Variants in HS3ST5 observed in about 807,000 individuals in gnomAD.
HS3ST5 encodes heparan sulfate glucosamine 3-O-sulfotransferase 5.
HS3ST5 carries 10 observed loss-of-function variants against 25.4 expected under a neutral mutation model. That is an observed-to-expected ratio of 0.39 (90% CI 0.24 to 0.67). The LOEUF (loss-of-function observed/expected upper bound fraction) is 0.67. HS3ST5 is among the 30% of genes least tolerant of loss of function. HS3ST5 has a pLI of 0.44. For missense variants in HS3ST5, 324 were observed against 420.7 expected, an observed-to-expected ratio of 0.77 and a Z score of 2.01; for synonymous variants, 170 against 162.4, an observed-to-expected ratio of 1.05 and a Z score of -0.36.
At chr6:114,144,324 A>G (rs1267163831) in intron 3 of HS3ST5, among the ~76,000 whole-genome samples, 2 of 151,942 alleles carry the variant, frequency 1.3e-5, no homozygotes, top group Admixed American at 1.3e-4. Flanking sequence ...TTTAGCGAAG[A>G]GTTCACATTA....
chr6:114,272,706 A>G (rs1189110396), intron 1 of HS3ST5, among the ~76,000 whole-genome samples: 1 of 152,056 alleles, frequency 6.6e-6, no homozygotes, highest in Non-Finnish European at 1.5e-5. Context: ...TTCCTCTACA[A>G]ATTCCTTTCT....
chr6:114,212,956 A>C (rs1447151554), intron 2 of HS3ST5, among the ~76,000 whole-genome samples: 1 of 152,158 alleles, frequency 6.6e-6, no homozygotes, highest in African/African-American at 2.4e-5. Context: ...CAAATGGCTT[A>C]AGTGTTTAAC....
At chr6:114,084,440 C>G in intron 3 of HS3ST5, 1 of 756,566 alleles carries the variant, frequency 1.3e-6, no homozygotes, top group Non-Finnish European at 2.4e-6. Context: ...TCTTCAGGAT[C>G]TCTGTAGAAG....
chr6:114,323,782 TATA>T (rs1375821158), intron 1 of HS3ST5, among the ~76,000 whole-genome samples: 1 of 152,108 alleles, frequency 6.6e-6, no homozygotes, highest in Non-Finnish European at 1.5e-5. Context: ...TTATCCGGGG[TATA>T]AAGCTATAGA....
rs555690937 is a variant in HS3ST5, at chr6:114,131,141, T to C, written c.-33+37210A>G. The C allele has an allele frequency of 1.3e-4, 20 of 152,316 alleles. No homozygotes were observed. The East Asian group carries it at 3.9e-3, about 29-fold the overall frequency. The allele number at this position is 152,316 out of a possible 1,614,324, so 9.4% of individuals were successfully genotyped here. A position where few individuals can be genotyped will look rare whatever the true frequency, so the allele number is the denominator to read the frequency against. On this transcript the variant is annotated intron_variant, in intron 3 of 4. Coordinates refer to ENST00000312719, the MANE Select transcript of HS3ST5 (RefSeq NM_153612.4). ...CTGAATGCCTAACTTTGCAGATGCATCAAAGTTGCATGAGTAATTTTTGGA... is the reference window on the plus strand; with the variant it reads ...CTGAATGCCTAACTTTGCAGATGCACCAAAGTTGCATGAGTAATTTTTGGA...
chr6:114,184,098 T>A (rs1780098652), intron 2 of HS3ST5, among the ~76,000 whole-genome samples: 1 of 135,992 alleles, frequency 7.4e-6, no homozygotes, highest in Admixed American at 8.4e-5. Context: ...AGTCTCGCTC[T>A]GTCGCCCAGG....
intron 2 of HS3ST5, among the ~76,000 whole-genome samples, chr6:114,190,827 T>C (rs1287829433): frequency 6.6e-6 from 1 of 152,214 alleles, no homozygotes; most frequent in Admixed American, 6.6e-5. Flanking sequence ...GATAACTTTT[T>C]GGCATGAATG....
chr6:114,329,636 A>C (rs994747019), intron 1 of HS3ST5, among the ~76,000 whole-genome samples: 6 of 152,318 alleles, frequency 3.9e-5, no homozygotes, highest in African/African-American at 1.4e-4. Context: ...CAACAAAAAC[A>C]AAGTAAGCAC....
intron 1 of HS3ST5, among the ~76,000 whole-genome samples, chr6:114,265,396 T>C (rs1181618636): frequency 6.6e-6 from 1 of 152,056 alleles, no homozygotes; most frequent in African/African-American, 2.4e-5. Flanking sequence ...AATGAGTGAA[T>C]TGGATCCTAG....
intron 1 of HS3ST5, chr6:114,238,949 A>G (rs766953545): frequency 2.0e-5 from 3 of 152,100 alleles, no homozygotes; most frequent in East Asian, 1.9e-4. Flanking sequence ...TCCCTTGTGC[A>G]TTTCTGTTTC....
intron 3 of HS3ST5, among the ~76,000 whole-genome samples, chr6:114,116,415 G>A (rs1170437929): frequency 1.3e-5 from 2 of 152,076 alleles, no homozygotes; most frequent in Non-Finnish European, 2.9e-5. Flanking sequence ...GCTAAATGAT[G>A]TGCAGCAAAG....
chr6:114,209,761 GA>G (rs1261376787), intron 2 of HS3ST5, among the ~76,000 whole-genome samples: 2 of 152,222 alleles, frequency 1.3e-5, no homozygotes, highest in South Asian at 2.1e-4. Context: ...TCAGAAGGGG[GA>G]AAAAAGAAAT....
At chr6:114,221,782 C>T (rs936794243) in intron 2 of HS3ST5, among the ~76,000 whole-genome samples, 1 of 149,876 alleles carries the variant, frequency 6.7e-6, no homozygotes, top group Non-Finnish European at 1.5e-5. Context: ...CTGATGTTTG[C>T]ATCTTTTTAA....
At chr6:114,070,135 T>A (rs1186067269) in intron 3 of HS3ST5, among the ~76,000 whole-genome samples, 6 of 152,106 alleles carry the variant, frequency 3.9e-5, no homozygotes, top group Non-Finnish European at 8.8e-5. Context: ...GTCCATTCTA[T>A]CACTCTCATG....
chr6:114,121,854 A>G (rs1372073605), intron 3 of HS3ST5, among the ~76,000 whole-genome samples: 1 of 152,212 alleles, frequency 6.6e-6, no homozygotes, highest in Admixed American at 6.5e-5. Context: ...AAAAGTTAAA[A>G]ATAACATTTT....
intron 1 of HS3ST5, among the ~76,000 whole-genome samples, chr6:114,249,208 A>G (rs1772527906): frequency 6.6e-6 from 1 of 152,184 alleles, no homozygotes; most frequent in Admixed American, 6.5e-5. Context: ...TGGCCTGTCC[A>G]TGTTTCTTTT....
chr6:114,325,844 C>T (rs1309893051), intron 1 of HS3ST5, among the ~76,000 whole-genome samples: 2 of 152,104 alleles, frequency 1.3e-5, no homozygotes, highest in Admixed American at 1.3e-4. Flanking sequence ...TGTTCCACTG[C>T]TCTTCTCCCA....
chr6:114,088,023 A>G (rs769007155), intron 3 of HS3ST5, among the ~76,000 whole-genome samples: 3 of 152,348 alleles, frequency 2.0e-5, no homozygotes, highest in African/African-American at 2.4e-5. Context: ...TTTCAAAGAC[A>G]TAGTATGAAA....
intron 3 of HS3ST5, among the ~76,000 whole-genome samples, chr6:114,152,045 C>T (rs1562217229): frequency 1.3e-5 from 2 of 152,060 alleles, no homozygotes; most frequent in African/African-American, 2.4e-5. Context: ...ATTCTTTTGC[C>T]TCAGCCTCCT....
Sources: allele counts gnomAD v4.1 joint callset (sites outside exome capture counted in the v4.1 genomes callset), GRCh38; gene constraint gnomAD v4.1.1; transcripts MANE v1.5; gene names NCBI Gene and HGNC (gene_info 2026-07-23, HGNC 2026-07-21).